Variants in PELI2 observed in about 807,000 individuals in gnomAD.
PELI2 encodes the protein pellino E3 ubiquitin protein ligase family member 2.
In PELI2, 23 loss-of-function variants were observed where a neutral mutation model predicts 42.3. The ratio of observed to expected loss-of-function variants is 0.54; its 90% confidence interval spans 0.39 to 0.77. The LOEUF (loss-of-function observed/expected upper bound fraction) is 0.77, where lower values mean the gene tolerates loss of function less well. PELI2 is among the 30% of genes least tolerant of loss of function. PELI2 has a pLI of 0.00. For synonymous variants in PELI2, 245 were observed against 212.2 expected (o/e 1.15, Z -1.34); for missense variants, 463 against 553.2 (o/e 0.84, Z 1.64).
chr14:56,236,578 G>A (rs898622852), intron 2 of PELI2, among the ~76,000 whole-genome samples: 2 of 152,136 alleles, frequency 1.3e-5, no homozygotes, highest in African/African-American at 4.8e-5. Flanking sequence ...TTTTACTCAT[G>A]GTGCATTGGT....
chr14:56,242,029 C>G (rs1383955733), intron 2 of PELI2, among the ~76,000 whole-genome samples: 3 of 152,168 alleles, frequency 2.0e-5, no homozygotes, highest in Admixed American at 1.3e-4. Context: ...GCACAGAGCT[C>G]TGTAATGGCC....
In PELI2 at chr14:56,300,674, A is replaced by T. The variant is rs1436371963; in HGVS notation, c.*3508A>T. 6.6e-6 allele frequency: 1 copy of T among 152,112 alleles called. No homozygotes were observed. The highest frequency in any genetic ancestry group is 2.4e-5 in the African/African-American group (1 of 41,408). The allele number at this position is 152,112 out of a possible 1,614,324, so 9.4% of individuals were successfully genotyped here. On this transcript the variant is annotated 3_prime_UTR_variant, in exon 6 of 6. Coordinates refer to ENST00000267460, the MANE Select transcript of PELI2 (RefSeq NM_021255.3). ...ACACCATTGTTAATGCTGGGTAAAA[A>T]CTATCTTCTTGCAGCCTTGCCTCAT...
At chr14:56,134,485 T>G (rs1025910730) in intron 1 of PELI2, among the ~76,000 whole-genome samples, 1 of 152,238 alleles carries the variant, frequency 6.6e-6, no homozygotes, top group African/African-American at 2.4e-5. Context: ...TCACTCTGAA[T>G]CTTTTGCTTT....
intron 1 of PELI2, among the ~76,000 whole-genome samples, chr14:56,172,007 T>A (rs1885188724): frequency 6.6e-6 from 1 of 151,634 alleles, no homozygotes; most frequent in Admixed American, 6.6e-5. Context: ...CAGAGGAGAC[T>A]CCATCTCAAA....
intron 2 of PELI2, among the ~76,000 whole-genome samples, chr14:56,234,969 G>T (rs528323739): frequency 1.3e-5 from 2 of 152,148 alleles, no homozygotes; most frequent in Non-Finnish European, 2.9e-5. Context: ...TCCCAACAGA[G>T]CTTTGCATGG....
intron 5 of PELI2, among the ~76,000 whole-genome samples, chr14:56,294,325 C>G (rs190476352): frequency 6.6e-6 from 1 of 152,256 alleles, no homozygotes; most frequent in Admixed American, 6.5e-5. Context: ...GCTCTTGCAC[C>G]TGCCTGTGGG....
intron 1 of PELI2, among the ~76,000 whole-genome samples, chr14:56,177,691 A>G (rs573055729): frequency 5.3e-5 from 8 of 152,336 alleles, no homozygotes; most frequent in South Asian, 2.1e-4. Flanking sequence ...TTATTTGACA[A>G]TTTGTGGACT....
chr14:56,119,017 G>T (rs1020018026), intron 1 of PELI2: 2 of 184,616 alleles, frequency 1.1e-5, no homozygotes, highest in Non-Finnish European at 1.1e-5. Flanking sequence ...GCAGCGCCGG[G>T]CACCGGGTCC....
chr14:56,136,358 G>A (rs1403032020), intron 1 of PELI2, among the ~76,000 whole-genome samples: 2 of 152,184 alleles, frequency 1.3e-5, no homozygotes, highest in Admixed American at 6.5e-5. Flanking sequence ...CATCTGCGGT[G>A]CTTATAATTT....
At chr14:56,293,695 A>G (rs1017176998) in intron 5 of PELI2, among the ~76,000 whole-genome samples, 2 of 152,152 alleles carry the variant, frequency 1.3e-5, no homozygotes, top group Admixed American at 6.5e-5. Context: ...ATCAGCAGAT[A>G]CTGTGTGATG....
At chr14:56,154,408 G>A (rs946329252) in intron 1 of PELI2, among the ~76,000 whole-genome samples, 2 of 152,166 alleles carry the variant, frequency 1.3e-5, no homozygotes, top group African/African-American at 4.8e-5. Context: ...GTATTATGGG[G>A]TGGTTTCACC....
intron 2 of PELI2, among the ~76,000 whole-genome samples, chr14:56,233,193 G>C (rs1213500409): frequency 6.6e-6 from 1 of 152,152 alleles, no homozygotes; most frequent in African/African-American, 2.4e-5. Flanking sequence ...GTAATTTATA[G>C]ATTCAATGCC....
At chr14:56,238,011 C>G (rs1486409687) in intron 2 of PELI2, among the ~76,000 whole-genome samples, 1 of 151,962 alleles carries the variant, frequency 6.6e-6, no homozygotes, top group Non-Finnish European at 1.5e-5. Context: ...TTATATGATT[C>G]TTTTTTAATG....
intron 1 of PELI2, among the ~76,000 whole-genome samples, chr14:56,125,986 A>G (rs146783209): frequency 6.6e-5 from 10 of 152,356 alleles, no homozygotes; most frequent in Non-Finnish European, 1.5e-4. Flanking sequence ...TCTGTAGCAC[A>G]ACTGCAGTTT....
intron 2 of PELI2, among the ~76,000 whole-genome samples, chr14:56,267,428 G>T (rs1390363858): frequency 6.6e-6 from 1 of 152,062 alleles, no homozygotes; most frequent in Non-Finnish European, 1.5e-5. Context: ...TGATGCTTGA[G>T]GAGTAACATC....
chr14:56,218,064 A>T (rs549762402), intron 2 of PELI2, among the ~76,000 whole-genome samples: 18 of 152,334 alleles, frequency 1.2e-4, no homozygotes, highest in Middle Eastern at 3.4e-3. Context: ...TAATGAGGAC[A>T]CCTGCTCAAC....
chr14:56,290,262 C>T lies in PELI2; in HGVS notation c.508-6C>T, dbSNP rs1174010470. ...TACTTTTTCTGTTCTGCTGTGTTCT[C>T]TCCAGGAAAAGGCAGCAAAGTGGAA... On this transcript the variant is annotated splice_polypyrimidine_tract_variant and splice_region_variant and intron_variant, in intron 4 of 5. Coordinates refer to ENST00000267460, the MANE Select transcript of PELI2 (RefSeq NM_021255.3). 1 of 1,569,432 alleles carries T rather than the reference C, an allele frequency of 6.4e-7. No individual in the cohort carries two copies. The highest frequency in any genetic ancestry group is 8.7e-7 in the Non-Finnish European group (1 of 1,152,212).
chr14:56,207,655 C>G (rs184031299), intron 2 of PELI2, among the ~76,000 whole-genome samples: 1 of 152,258 alleles, frequency 6.6e-6, no homozygotes, highest in Admixed American at 6.5e-5. Context: ...AGGGAGATTG[C>G]TAGGAAAAGA....
intron 2 of PELI2, among the ~76,000 whole-genome samples, chr14:56,205,798 A>T (rs1390371026): frequency 6.6e-6 from 1 of 152,134 alleles, no homozygotes; most frequent in Admixed American, 6.5e-5. Context: ...TCCGTCACAC[A>T]CACCTGACCC....
Sources: allele counts gnomAD v4.1 joint callset (sites outside exome capture counted in the v4.1 genomes callset), GRCh38; gene constraint gnomAD v4.1.1; transcripts MANE v1.5; gene names NCBI Gene and HGNC (gene_info 2026-07-23, HGNC 2026-07-21).